The following SEC61A1 variants were observed in gnomAD, a reference collection of about 807,000 sequenced individuals.
SEC61A1 encodes the protein protein transport protein Sec61 subunit alpha isoform 1.
A neutral mutation model predicts 55.2 loss-of-function variants in SEC61A1; 15 were observed. The ratio of observed to expected loss-of-function variants is 0.27; its 90% CI spans 0.18 to 0.42. The LOEUF (loss-of-function observed/expected upper bound fraction) is 0.42, where lower values mean the gene tolerates loss of function less well. Ranked by LOEUF, SEC61A1 falls within the 10% of genes least tolerant of loss-of-function variation. The pLI is 1.00. For synonymous variants in SEC61A1, 247 were observed against 234.0 expected (o/e 1.06, Z -0.51); for missense variants, 284 against 602.6 (o/e 0.47, Z 5.53).
intron 1 of SEC61A1, 87 bp downstream of exon 1, chr3:128,052,646 A>G: frequency 1.3e-6 from 2 of 1,549,984 alleles, no homozygotes; most frequent in Non-Finnish European, 1.7e-6. Flanking sequence ...CCGCCGGCCA[A>G]CCCTGACCGG....
chr3:128,064,773 T>C, intron 7 of SEC61A1, 104 bp from the exon 8 acceptor site: 1 of 986,652 alleles, frequency 1.0e-6, no homozygotes, highest in Non-Finnish European at 1.5e-6. Context: ...ATGAGTCTAA[T>C]AACTTAAGTT....
At chr3:128,052,937 A>G in intron 2 of SEC61A1, 35 bp downstream of exon 2, 4 of 1,549,858 alleles carry the variant, frequency 2.6e-6, no homozygotes, top group Non-Finnish European at 3.6e-6. Flanking sequence ...AGAAGGTTTC[A>G]GGAAACTGTC....
At position 128,060,615 on chromosome 3, in the gene SEC61A1, C is replaced by A; in HGVS notation, c.570C>A (p.Thr190=). ...TCATTGCAACTAACATCTGTGAAAC[C>A]ATCGTATGGAAGGCATTCAGCCCCA... ...SLFIATNICE[T]IVWKAFSPTT... is the part of the protein sequence containing the mutation. Residue 190 remains threonine, a synonymous_variant, in exon 7 of 12, where the codon ACC becomes ACA. Transcript: ENST00000243253. 1 of 1,614,138 alleles carries A rather than the reference C, an allele frequency of 6.2e-7. No individual in the cohort carries two copies. Among genetic ancestry groups the A allele is most frequent in the Non-Finnish European group, 8.5e-7 (1 of 1,180,018 alleles).
rs1397059666 is a variant in SEC61A1, at chr3:128,070,407, T to G, written c.*745T>G. ...GTCATCAGCTCTGCCAAGCTGAGCC[T>G]GGCCAAGCTAGGTGGACAGACCCTT... On this transcript the variant is annotated 3_prime_UTR_variant, in exon 12 of 12. Coordinates refer to ENST00000243253, the MANE Select transcript of SEC61A1 (RefSeq NM_013336.4). The G allele has an allele frequency of 1.3e-5, 2 of 152,264 alleles. No homozygotes were observed. The highest frequency in any genetic ancestry group is 4.8e-5 in the African/African-American group (2 of 41,468). 9.4% of individuals were successfully genotyped at this position (152,264 alleles called of 1,614,324 possible). A position where few individuals can be genotyped will look rare whatever the true frequency, so the allele number is the denominator to read the frequency against.
rs2107655351 is a variant in SEC61A1, at chr3:128,069,971, G to A, written c.*309G>A. On this transcript the variant is annotated 3_prime_UTR_variant, in exon 12 of 12. Transcript: ENST00000243253. ...TTAACCTTTGCACCTTCTCAGTGCT[G>A]TATGCGGCTGCAGCCGTCTCACCTG... The A allele has an allele frequency of 8.9e-6, 2 of 225,752 alleles. No individual in the cohort carries two copies. Among genetic ancestry groups the A allele is most frequent in the East Asian group, 2.0e-4 (2 of 9,980 alleles). 14.0% of individuals were successfully genotyped at this position (225,752 alleles called of 1,614,324 possible). A position where few individuals can be genotyped will look rare whatever the true frequency, so the allele number is the denominator to read the frequency against.
intron 2 of SEC61A1, among the ~76,000 whole-genome samples, chr3:128,054,434 G>A (rs1448323300): frequency 6.6e-6 from 1 of 152,188 alleles, no homozygotes; most frequent in East Asian, 1.9e-4. Flanking sequence ...GGTGGGAAGA[G>A]GACCATTCTC....
At position 128,060,222 on chromosome 3, in the gene SEC61A1, T is replaced by A; in HGVS notation, c.462+11T>A. 1 of 1,560,710 alleles carries A rather than the reference T, an allele frequency of 6.4e-7. No individual in the cohort carries two copies. Among genetic ancestry groups the A allele is most frequent in the East Asian group, 2.2e-5 (1 of 44,584 alleles). ...CTAATCACCATTCAGGTAATTATTA[T>A]GCTAACATCTCCCTTTGAGTAGCCC... On this transcript the variant is annotated intron_variant, in intron 6 of 11. Coordinates refer to ENST00000243253, the MANE Select transcript of SEC61A1 (RefSeq NM_013336.4).
Position 128,052,544 on chromosome 3 carries a change from G to A in SEC61A1, c.-9G>A. On this transcript the variant is annotated 5_prime_UTR_variant, in exon 1 of 12. Coordinates refer to ENST00000243253, the MANE Select transcript of SEC61A1 (RefSeq NM_013336.4). The stretch of plus-strand genomic sequence containing the variant: ...TGAAGCGGGACCCGGAGCCCGAGCA[G>A]CCGCCGCCATGGCAAGTGAGTCCTG... 1.3e-6 allele frequency: 2 copies of A among 1,598,124 alleles called. No homozygotes were observed. Among genetic ancestry groups the A allele is most frequent in the South Asian group, 1.1e-5 (1 of 88,952 alleles).
intron 5 of SEC61A1, 57 bp downstream of exon 5, chr3:128,056,897 A>G: frequency 7.5e-7 from 1 of 1,327,828 alleles, no homozygotes; most frequent in South Asian, 2.1e-5. Context: ...AATTTGCTAT[A>G]AGATTTTGGT....
intron 2 of SEC61A1, among the ~76,000 whole-genome samples, chr3:128,053,323 T>C (rs1440796307): frequency 2.6e-5 from 4 of 152,326 alleles, no homozygotes; most frequent in African/African-American, 7.2e-5. Flanking sequence ...GGGCTGTCAC[T>C]TTAGTATTTA....
intron 11 of SEC61A1, 116 bp downstream of exon 11, chr3:128,068,175 G>A: frequency 1.4e-6 from 1 of 735,804 alleles, no homozygotes; most frequent in East Asian, 2.6e-5. Flanking sequence ...TTATCCTTGG[G>A]TTACAGGACA....
In SEC61A1 at chr3:128,063,120, T is replaced by C. The variant is rs113910502; in HGVS notation, c.617-1757T>C. 5.9e-3 allele frequency among the ~76,000 whole-genome samples: 893 copies of C among 152,332 alleles called. 10 individuals are homozygous for C. The highest frequency in any genetic ancestry group is 0.02 in the African/African-American group (852 of 41,576). On this transcript the variant is annotated intron_variant, in intron 7 of 11. Coordinates refer to ENST00000243253, the MANE Select transcript of SEC61A1 (RefSeq NM_013336.4). ...CCATTCCCTCAGCTACCAAGTTATT[T>C]TGGTTGAATAGAAGCTTTCCTTTTT...
At chr3:128,057,275 A>G (rs908185399) in intron 5 of SEC61A1, among the ~76,000 whole-genome samples, 7 of 152,010 alleles carry the variant, frequency 4.6e-5, no homozygotes, top group Non-Finnish European at 1.0e-4. Flanking sequence ...TGGCCTGCCA[A>G]CCCTGCAGGA....
chr3:128,060,332 C>A, intron 6 of SEC61A1, 121 bp downstream of exon 6: 2 of 1,051,106 alleles, frequency 1.9e-6, no homozygotes, highest in Non-Finnish European at 2.9e-6. Context: ...AAGCCTAAGA[C>A]TCTGGGTTAG....
intron 2 of SEC61A1, 67 bp from the exon 3 acceptor site, chr3:128,055,449 G>C: frequency 8.1e-7 from 1 of 1,238,076 alleles, no homozygotes; most frequent in East Asian, 2.3e-5. Flanking sequence ...GGTCTGATTG[G>C]AGTCCATTTT....
chr3:128,061,072 ATG>A (rs1035541261), intron 7 of SEC61A1, among the ~76,000 whole-genome samples: 2 of 152,224 alleles, frequency 1.3e-5, no homozygotes, highest in African/African-American at 4.8e-5. Context: ...GTTTCTAAAA[ATG>A]AAATTCCTAA....
chr3:128,069,476 G>A lies in SEC61A1; in HGVS notation c.1245G>A (p.Arg415=), dbSNP rs1424082992. ...RETSMVHELN[R]YIPTAAAFGG... Reference sequence around the variant, plus strand: ...GAGCTGACTGTGTCCCCTCCCCCAGGTACATCCCCACAGCCGCGGCCTTTG... The same window carrying A: ...GAGCTGACTGTGTCCCCTCCCCCAGATACATCCCCACAGCCGCGGCCTTTG... The change falls in exon 12 of 12, where the codon CGG becomes CGA. Residue 415 remains arginine (R), a splice_region_variant and synonymous_variant. Transcript: ENST00000243253. 1.2e-6 allele frequency: 2 copies of A among 1,609,970 alleles called. No homozygotes were observed. The highest frequency in any genetic ancestry group is 2.7e-5 in the African/African-American group (2 of 74,922).
At position 128,055,700 on chromosome 3, in the gene SEC61A1, G is replaced by T; in HGVS notation, c.169G>T (p.Asp57Tyr). The T allele has an allele frequency of 6.2e-7, 1 of 1,614,180 alleles. No homozygotes were observed. Among genetic ancestry groups the T allele is most frequent in the Non-Finnish European group, 8.5e-7 (1 of 1,180,014 alleles). ...QIPLFGIMSS[D>Y]SADPFYWMRV... Reference sequence around the variant, plus strand: ...TCCCCTGTTTGGGATCATGTCTTCAGATTCAGCTGACCCTTTCTATTGGAT... The same window carrying T: ...TCCCCTGTTTGGGATCATGTCTTCATATTCAGCTGACCCTTTCTATTGGAT... The change falls in exon 4 of 12, where the codon GAT (aspartate) becomes TAT (tyrosine). Residue 57 changes from aspartate to tyrosine, a missense_variant. Physicochemically the swap from Asp to Tyr is radical, Grantham distance 160. Coordinates refer to ENST00000243253, the MANE Select transcript of SEC61A1 (RefSeq NM_013336.4).
chr3:128,060,477 C>T, intron 6 of SEC61A1, 31 bp from the exon 7 acceptor site: 1 of 1,611,844 alleles, frequency 6.2e-7, no homozygotes, highest in Non-Finnish European at 8.5e-7. Flanking sequence ...GGAGCAGTAA[C>T]ACATAGTCTT....
Sources: allele counts gnomAD v4.1 joint callset (sites outside exome capture counted in the v4.1 genomes callset), GRCh38; gene constraint gnomAD v4.1.1; transcripts MANE v1.5; gene names NCBI Gene and HGNC (gene_info 2026-07-23, HGNC 2026-07-21).